The following SGIP1 variants were observed in gnomAD, a reference collection of about 807,000 sequenced individuals.
SGIP1 encodes the protein SH3-containing GRB2-like protein 3-interacting protein 1.
SGIP1 carries 38 observed loss-of-function variants against 107.5 expected under a neutral mutation model. The ratio of observed to expected loss-of-function variants is 0.35; its 90% confidence interval spans 0.27 to 0.46. The LOEUF is 0.46. SGIP1 is among the 20% of genes least tolerant of loss of function. The pLI is 1.00. For synonymous variants in SGIP1, 365 were observed against 366.1 expected, an observed-to-expected ratio of 1.00 and a Z score of 0.03; for missense variants, 929 against 1,019.5, an observed-to-expected ratio of 0.91 and a Z score of 1.21.
At chr1:66,638,815 A>G (rs1005494838) in intron 4 of SGIP1, among the ~76,000 whole-genome samples, 1 of 152,164 alleles carries the variant, frequency 6.6e-6, no homozygotes, top group African/African-American at 2.4e-5. Context: ...TTGTTGTTGC[A>G]AAATTAGAGG....
chr1:66,660,629 T>C, intron 8 of SGIP1, 105 bp downstream of exon 8: 3 of 1,093,034 alleles, frequency 2.7e-6, no homozygotes, highest in Admixed American at 3.7e-5. Context: ...CTAAACAAGG[T>C]TTTGAACTTT....
intron 1 of SGIP1, among the ~76,000 whole-genome samples, chr1:66,589,679 TGA>T (rs2063318457): frequency 6.6e-6 from 1 of 152,174 alleles, no homozygotes. Flanking sequence ...TCTCAACAAA[TGA>T]GAGTGTTTGA....
chr1:66,686,262 T>C (rs968438730), intron 15 of SGIP1, among the ~76,000 whole-genome samples: 3 of 151,918 alleles, frequency 2.0e-5, no homozygotes, highest in African/African-American at 7.3e-5. Flanking sequence ...AAAAAAGAGA[T>C]GAAAGTTGAA....
rs2094539574 is a variant in SGIP1 at position 66,745,440 on chromosome 1, G to T, written c.*2345G>T. The T allele has an allele frequency of 6.6e-6, 1 of 152,002 alleles. No homozygotes were observed. The highest frequency in any genetic ancestry group is 1.5e-5 in the Non-Finnish European group (1 of 67,912). The allele number at this position is 152,002 out of a possible 1,614,324, so 9.4% of individuals were successfully genotyped here. On this transcript the variant is annotated 3_prime_UTR_variant, in exon 25 of 25. Coordinates refer to ENST00000371037, the MANE Select transcript of SGIP1 (RefSeq NM_032291.4). ...AATAACACAATAAGCTGGTATCAGG[G>T]ATTTGCATTTTGACATTTTGTTGTT...
chr1:66,679,051 A>G (rs1432730345), intron 13 of SGIP1, among the ~76,000 whole-genome samples: 1 of 152,246 alleles, frequency 6.6e-6, no homozygotes, highest in Non-Finnish European at 1.5e-5. Flanking sequence ...CGTAGGGACC[A>G]TGATACTTGA....
rs182798121 is a variant in SGIP1, at chr1:66,729,430, T to C, written c.1898+11T>C. 6.2e-7 allele frequency: 1 copy of C among 1,613,930 alleles called. No homozygotes were observed. The highest frequency in any genetic ancestry group is 1.7e-5 in the Admixed American group (1 of 60,000). On this transcript the variant is annotated intron_variant, in intron 20 of 24. Coordinates refer to ENST00000371037, the MANE Select transcript of SGIP1 (RefSeq NM_032291.4). ...CCAACTTCTCTGCTGGTAAATATGA[T>C]TTTGCATAAATTTTTCAGAGATACA... is the stretch of plus-strand genomic sequence containing the variant.
At chr1:66,726,548 G>T (rs772060510) in intron 19 of SGIP1, among the ~76,000 whole-genome samples, 11 of 152,124 alleles carry the variant, frequency 7.2e-5, no homozygotes, top group Non-Finnish European at 1.6e-4. Context: ...TAAATCTATA[G>T]AACAGAATGA....
intron 1 of SGIP1, among the ~76,000 whole-genome samples, chr1:66,594,611 G>A (rs545557087): frequency 8.9e-4 from 136 of 152,216 alleles, no homozygotes; most frequent in Non-Finnish European, 1.4e-3. Context: ...GCAGTCATGC[G>A]GCCCAGACTC....
At chr1:66,595,922 G>A (rs1213401048) in intron 1 of SGIP1, among the ~76,000 whole-genome samples, 1 of 152,192 alleles carries the variant, frequency 6.6e-6, no homozygotes, top group African/African-American at 2.4e-5. Flanking sequence ...TTGAGGAGGG[G>A]GAGGAGGAAG....
intron 1 of SGIP1, among the ~76,000 whole-genome samples, chr1:66,605,458 C>T (rs1256135950): frequency 2.0e-5 from 3 of 151,998 alleles, no homozygotes; most frequent in Non-Finnish European, 4.4e-5. Flanking sequence ...AAGTCATCTT[C>T]CTAAAGAATT....
At chr1:66,679,238 C>T (rs1273529956) in intron 13 of SGIP1, among the ~76,000 whole-genome samples, 1 of 152,176 alleles carries the variant, frequency 6.6e-6, no homozygotes, top group Non-Finnish European at 1.5e-5. Flanking sequence ...ACAGGAGCCC[C>T]CACCCAACCT....
chr1:66,681,221 A>G (rs2086630555), intron 14 of SGIP1, among the ~76,000 whole-genome samples: 1 of 152,162 alleles, frequency 6.6e-6, no homozygotes, highest in South Asian at 2.1e-4. Flanking sequence ...GGGTGTATAT[A>G]TCTGTATTTG....
intron 16 of SGIP1, among the ~76,000 whole-genome samples, 183 bp from the exon 17 acceptor site, chr1:66,690,007 C>T (rs114310636): frequency 0.013 from 1,958 of 152,278 alleles, 42 homozygotes; most frequent in African/African-American, 0.045. Context: ...TATGGTTTAT[C>T]GTTTCTCCAG....
intron 7 of SGIP1, among the ~76,000 whole-genome samples, chr1:66,653,437 T>C (rs1443349756): frequency 1.3e-5 from 2 of 152,086 alleles, no homozygotes; most frequent in Non-Finnish European, 2.9e-5. Context: ...CAACCTGGAG[T>C]GCCTTTGTCA....
At chr1:66,733,560 A>G (rs925207604) in intron 20 of SGIP1, among the ~76,000 whole-genome samples, 188 bp from the exon 21 acceptor site, 1 of 152,218 alleles carries the variant, frequency 6.6e-6, no homozygotes, top group Admixed American at 6.5e-5. Flanking sequence ...ATATTAATCT[A>G]CCAACACCAT....
intron 1 of SGIP1, among the ~76,000 whole-genome samples, chr1:66,622,495 G>A (rs1328836719): frequency 6.6e-6 from 1 of 152,074 alleles, no homozygotes; most frequent in East Asian, 1.9e-4. Flanking sequence ...ATATTTGTCT[G>A]GTAACATTAT....
chr1:66,672,584 C>T (rs1179336320), intron 11 of SGIP1, among the ~76,000 whole-genome samples: 1 of 152,166 alleles, frequency 6.6e-6, no homozygotes, highest in Non-Finnish European at 1.5e-5. Context: ...CGTTACCATA[C>T]CACATAGACC....
intron 1 of SGIP1, among the ~76,000 whole-genome samples, chr1:66,621,703 G>A (rs1335417668): frequency 6.6e-6 from 1 of 152,184 alleles, no homozygotes; most frequent in Non-Finnish European, 1.5e-5. Flanking sequence ...CGTAATACGT[G>A]GCTCTTTGCG....
At position 66,643,560 on chromosome 1, in the gene SGIP1, C is replaced by G. The variant is rs976006760; in HGVS notation, c.300C>G (p.His100Gln). Reference sequence around the variant, plus strand: ...GTGTTCTACCTACCAAAGGAAAGCACTTTTATTCTTCAAGTGAATCGGAAG... The same window carrying G: ...GTGTTCTACCTACCAAAGGAAAGCAGTTTTATTCTTCAAGTGAATCGGAAG... Reference protein sequence around the residue: ...PEEPGSTKGKHFYSSSESEEE... With the variant: ...PEEPGSTKGKQFYSSSESEEE... The change falls in exon 7 of 25, where the codon CAC becomes CAG. Residue 100 changes from histidine to glutamine, a missense_variant. By Grantham distance (24) the His-to-Gln change is conservative. Transcript: ENST00000371037. 6.2e-7 allele frequency: 1 copy of G among 1,607,974 alleles called. No homozygotes were observed. The highest frequency in any genetic ancestry group is 8.5e-7 in the Non-Finnish European group (1 of 1,177,684).
Sources: gnomAD v4.1 joint callset for allele counts (sites outside exome capture counted in the v4.1 genomes callset) on GRCh38, gnomAD v4.1.1 for gene constraint, MANE v1.5 for transcripts, NCBI Gene and HGNC (gene_info 2026-07-23, HGNC 2026-07-21) for gene names.